TTC6: variants seen among roughly 807,000 people sequenced by gnomAD.
TTC6 encodes the protein tetratricopeptide repeat protein 6.
In TTC6, 172 loss-of-function variants were observed where a neutral mutation model predicts 210.4. The ratio of observed to expected loss-of-function variants is 0.82; its 90% CI spans 0.72 to 0.93. The LOEUF (loss-of-function observed/expected upper bound fraction) is 0.93. Ranked by LOEUF, TTC6 falls within the 40% of genes least tolerant of loss-of-function variation. The pLI is 0.00. For missense variants in TTC6, 2,414 were observed against 2,318.1 expected, an observed-to-expected ratio of 1.04 and a Z score of -0.85; for synonymous variants, 804 against 819.6, an observed-to-expected ratio of 0.98 and a Z score of 0.32.
intron 2 of TTC6, 128 bp from the exon 5 acceptor site, chr14:37,682,630 T>C (rs1276331739): frequency 1.2e-5 from 9 of 754,020 alleles, no homozygotes; most frequent in African/African-American, 5.3e-5. Context: ...AGGAAACTCA[T>C]CACCTATGCT....
At chr14:37,650,230 T>C (rs189611099) in intron 1 of TTC6, among the ~76,000 whole-genome samples, 2 of 152,370 alleles carry the variant, frequency 1.3e-5, no homozygotes, top group East Asian at 3.9e-4. Flanking sequence ...GTCGATCCTC[T>C]ATGCTCTACT....
At position 37,749,850 on chromosome 14, in the gene TTC6, TGTCTGTA is replaced by T; in HGVS notation, c.2956+9_2956+15del. ...TATAATAAAAATAATACAGGTGGGT[TGTCTGTA>T]GAGACAGTTATATTACCTACATTTT... On this transcript the variant is annotated splice_region_variant and intron_variant, in intron 12 of 30. Coordinates refer to ENST00000553443, the Ensembl canonical transcript of TTC6. The T allele has an allele frequency of 7.3e-7, 1 of 1,361,654 alleles. No homozygotes were observed. Among genetic ancestry groups the T allele is most frequent in the Admixed American group, 3.2e-5 (1 of 31,690 alleles). 84.3% of individuals were successfully genotyped at this position (1,361,654 alleles called of 1,614,324 possible). A position where few individuals can be genotyped will look rare whatever the true frequency, so the allele number is the denominator to read the frequency against.
chr14:37,784,689 G>C (rs1371687231), intron 14 of TTC6, among the ~76,000 whole-genome samples: 3 of 152,132 alleles, frequency 2.0e-5, no homozygotes, highest in Non-Finnish European at 4.4e-5. Context: ...TATTTTGCTT[G>C]TTAGTTGATG....
At chr14:37,750,703 A>G (rs1031041254) in intron 12 of TTC6, among the ~76,000 whole-genome samples, 3 of 152,088 alleles carry the variant, frequency 2.0e-5, no homozygotes, top group Admixed American at 2.0e-4. Context: ...CCTGGGCAAC[A>G]TGGTGAACCC....
intron 7 of TTC6, among the ~76,000 whole-genome samples, chr14:37,729,746 C>T (rs191496036): frequency 1.6e-3 from 251 of 152,124 alleles, no homozygotes; most frequent in African/African-American, 5.6e-3. Flanking sequence ...ATACTGTTGG[C>T]GTCTACTTCT....
chr14:37,734,763 C>T (rs2095897062), intron 7 of TTC6, among the ~76,000 whole-genome samples: 1 of 152,094 alleles, frequency 6.6e-6, no homozygotes, highest in South Asian at 2.1e-4. Context: ...TCTCAAGACA[C>T]CTTAGTTTGG....
chr14:37,759,082 C>G (rs1407939907), intron 14 of TTC6, among the ~76,000 whole-genome samples: 1 of 151,906 alleles, frequency 6.6e-6, no homozygotes, highest in Non-Finnish European at 1.5e-5. Context: ...ACCATCCTGG[C>G]TAACATGGCA....
At chr14:37,661,868 G>C (rs1468208534) in intron 1 of TTC6, among the ~76,000 whole-genome samples, 3 of 152,114 alleles carry the variant, frequency 2.0e-5, no homozygotes, top group African/African-American at 7.2e-5. Context: ...AGTTCTCCTT[G>C]AAGAGGCCCT....
intron 25 of TTC6, 88 bp downstream of exon 27, chr14:37,812,521 A>G (rs2096131909): frequency 1.6e-6 from 2 of 1,283,150 alleles, no homozygotes; most frequent in Non-Finnish European, 2.1e-6. Flanking sequence ...TCAACTGGCA[A>G]TATTAATGAG....
At chr14:37,694,783 T>C (rs2095811428) in intron 3 of TTC6, among the ~76,000 whole-genome samples, 1 of 152,110 alleles carries the variant, frequency 6.6e-6, no homozygotes. Context: ...GGTTCATTCC[T>C]GTAATCCCAA....
intron 5 of TTC6, among the ~76,000 whole-genome samples, chr14:37,711,396 C>G (rs1159519827): frequency 6.6e-6 from 1 of 152,100 alleles, no homozygotes; most frequent in African/African-American, 2.4e-5. Context: ...GGGAGTCAGA[C>G]ATGAATCTGG....
At chr14:37,743,189 A>G (rs1022774312) in intron 10 of TTC6, among the ~76,000 whole-genome samples, 8 of 152,228 alleles carry the variant, frequency 5.3e-5, no homozygotes, top group Non-Finnish European at 7.3e-5. Flanking sequence ...ATTCATGGCT[A>G]TGAAAACATG....
upstream of TTC6, chr14:37,621,900 A>G (rs1009821222): frequency 1.9e-6 from 1 of 526,016 alleles, no homozygotes. Flanking sequence ...ATAAAATTAC[A>G]TGATAATTTT....
chr14:37,828,077 A>G (rs1211798928), intron 29 of TTC6, among the ~76,000 whole-genome samples: 2 of 152,030 alleles, frequency 1.3e-5, no homozygotes, highest in Admixed American at 1.3e-4. Context: ...AATTTCTGCC[A>G]TGGGACCACT....
At chr14:37,630,828 T>TATGTAATG (rs1422714693) in intron 1 of TTC6, among the ~76,000 whole-genome samples, 3 of 151,604 alleles carry the variant, frequency 2.0e-5, no homozygotes, top group African/African-American at 7.2e-5. Context: ...CCTTTACCAT[T>TATGTAATG]ATGTAATGCC....
At chr14:37,738,004 A>T in intron 9 of TTC6, among the ~76,000 whole-genome samples, 1 of 151,924 alleles carries the variant, frequency 6.6e-6, no homozygotes, top group Non-Finnish European at 1.5e-5. Flanking sequence ...ATTGACTATA[A>T]AGAACTACAT....
chr14:37,637,525 C>T (rs1566855901), intron 1 of TTC6, among the ~76,000 whole-genome samples: 2 of 152,162 alleles, frequency 1.3e-5, no homozygotes, highest in Admixed American at 1.3e-4. Flanking sequence ...GTCCCAGCCA[C>T]TCACATGGCT....
chr14:37,770,182 T>A (rs1211955813), intron 14 of TTC6, among the ~76,000 whole-genome samples: 2 of 152,072 alleles, frequency 1.3e-5, no homozygotes, highest in East Asian at 3.9e-4. Flanking sequence ...TTGTTATAAT[T>A]TCTGTTCTTT....
In TTC6 at chr14:37,609,700, T is replaced by TTA. The variant is rs2095631093; in HGVS notation, c.-155+2959_-155+2960dup. 2.0e-5 allele frequency among the ~76,000 whole-genome samples: 3 copies of TTA among 152,222 alleles called. No homozygotes were observed. In the South Asian group the frequency reaches 6.2e-4, roughly 32 times the overall value. ...ATGATAGACATATTTCAAGGTTACA[T>TTA]TAATTTGAACTATTTTTTCAGTTTA... is the stretch of plus-strand genomic sequence containing the variant. On this transcript the variant is annotated intron_variant, in intron 2 of 2. Coordinates refer to the TTC6 transcript ENST00000556845.
Sources: gnomAD v4.1 joint callset for allele counts (sites outside exome capture counted in the v4.1 genomes callset) on GRCh38, gnomAD v4.1.1 for gene constraint, MANE v1.5 for transcripts, NCBI Gene and HGNC (gene_info 2026-07-23, HGNC 2026-07-21) for gene names.